The following EMCN variants were observed in gnomAD, a reference collection of about 807,000 sequenced individuals.
EMCN encodes the protein MUC-14.
Under a neutral mutation model 38.4 loss-of-function variants are expected in EMCN, and 37 were observed. The observed-to-expected ratio is 0.96, with a 90% confidence interval of 0.74 to 1.27. The LOEUF is 1.27. EMCN is among the 50% of genes most tolerant of loss of function. EMCN has a pLI of 0.00. For synonymous variants in EMCN, 95 were observed against 100.8 expected, an observed-to-expected ratio of 0.94 and a Z score of 0.35; for missense variants, 318 against 302.8, an observed-to-expected ratio of 1.05 and a Z score of -0.37.
chr4:100,516,099 A>G (rs1429348742), intron 1 of EMCN, among the ~76,000 whole-genome samples: 4 of 152,122 alleles, frequency 2.6e-5, no homozygotes, highest in Admixed American at 2.6e-4. Flanking sequence ...TCTCTGCTCA[A>G]ATGGAAATTA....
At chr4:100,461,379 A>T (rs770056933) in intron 4 of EMCN, among the ~76,000 whole-genome samples, 2 of 152,116 alleles carry the variant, frequency 1.3e-5, no homozygotes, top group Admixed American at 6.6e-5. Context: ...TATTTAACTT[A>T]TTTATCTTTT....
intron 1 of EMCN, among the ~76,000 whole-genome samples, chr4:100,507,793 A>G (rs1172213278): frequency 1.3e-5 from 2 of 151,976 alleles, no homozygotes; most frequent in Non-Finnish European, 2.9e-5. Flanking sequence ...CCCTCTCTCC[A>G]AGTCTTTTTT....
rs1726107486 is a variant in EMCN, at chr4:100,395,917, A to G, written c.*2496T>C. On this transcript the variant is annotated 3_prime_UTR_variant, in exon 12 of 12. Transcript: ENST00000296420. ...TTGACTATTGATAGACTTAAATTAT[A>G]TTCATATTATTATGCAAAACAAACA... 6.6e-6 allele frequency: 1 copy of G among 152,178 alleles called. No individual in the cohort carries two copies. Among genetic ancestry groups the G allele is most frequent in the African/African-American group, 2.4e-5 (1 of 41,436 alleles). 9.4% of individuals were successfully genotyped at this position (152,178 alleles called of 1,614,324 possible).
intron 4 of EMCN, among the ~76,000 whole-genome samples, chr4:100,460,422 G>A (rs1728146753): frequency 6.6e-6 from 1 of 151,988 alleles, no homozygotes; most frequent in Admixed American, 6.6e-5. Flanking sequence ...CCTGAGACTG[G>A]GTAATTTATG....
intron 5 of EMCN, among the ~76,000 whole-genome samples, chr4:100,442,314 A>G (rs1018209524): frequency 9.2e-5 from 14 of 152,182 alleles, no homozygotes; most frequent in Non-Finnish European, 1.9e-4. Flanking sequence ...TGTTGCTTTT[A>G]AATTTCTCTT....
intron 11 of EMCN, among the ~76,000 whole-genome samples, chr4:100,406,194 T>C (rs1033062258): frequency 1.3e-5 from 2 of 152,010 alleles, no homozygotes; most frequent in African/African-American, 4.8e-5. Flanking sequence ...AAACTTTTGG[T>C]TTTGTTGATC....
At chr4:100,416,645 A>C (rs1726743563) in intron 9 of EMCN, among the ~76,000 whole-genome samples, 1 of 152,194 alleles carries the variant, frequency 6.6e-6, no homozygotes, top group Non-Finnish European at 1.5e-5. Flanking sequence ...TTGACATGAA[A>C]ATCAATTCAT....
intron 5 of EMCN, among the ~76,000 whole-genome samples, chr4:100,444,425 C>T (rs989825932): frequency 2.0e-5 from 3 of 152,122 alleles, no homozygotes; most frequent in Non-Finnish European, 4.4e-5. Flanking sequence ...TGGGAGTTTA[C>T]TGCTCTAGTG....
intron 1 of EMCN, among the ~76,000 whole-genome samples, chr4:100,496,457 C>T (rs577607261): frequency 1.3e-5 from 2 of 152,194 alleles, no homozygotes; most frequent in South Asian, 4.1e-4. Flanking sequence ...TTTCTTAGCA[C>T]CTTTATGAGT....
At chr4:100,446,549 C>G (rs1727678915) in intron 5 of EMCN, among the ~76,000 whole-genome samples, 1 of 151,740 alleles carries the variant, frequency 6.6e-6, no homozygotes, top group African/African-American at 2.4e-5. Context: ...TTTTATGAAC[C>G]TATAGGTTTA....
intron 1 of EMCN, among the ~76,000 whole-genome samples, chr4:100,513,187 AT>A (rs1282974245): frequency 6.6e-6 from 1 of 152,144 alleles, no homozygotes; most frequent in African/African-American, 2.4e-5. Context: ...TTAGGTGGGG[AT>A]TATTAAAAAT....
At chr4:100,406,193 G>C (rs534784584) in intron 11 of EMCN, among the ~76,000 whole-genome samples, 1 of 151,982 alleles carries the variant, frequency 6.6e-6, no homozygotes, top group African/African-American at 2.4e-5. Flanking sequence ...CAAACTTTTG[G>C]TTTTGTTGAT....
At chr4:100,408,820 G>T (rs1462881788) in intron 11 of EMCN, among the ~76,000 whole-genome samples, 3 of 152,302 alleles carry the variant, frequency 2.0e-5, no homozygotes, top group East Asian at 1.9e-4. Context: ...CTGGGGAAAG[G>T]TGGTTGCATT....
chr4:100,479,622 T>A (rs1728752615), intron 2 of EMCN, among the ~76,000 whole-genome samples: 1 of 152,108 alleles, frequency 6.6e-6, no homozygotes, highest in African/African-American at 2.4e-5. Context: ...ATTTTATGAC[T>A]TAGGACATGG....
intron 3 of EMCN, among the ~76,000 whole-genome samples, chr4:100,470,077 A>G (rs1224684934): frequency 6.6e-6 from 1 of 152,100 alleles, no homozygotes; most frequent in East Asian, 1.9e-4. Context: ...TCTGCATAGC[A>G]AAAGAAACTA....
intron 4 of EMCN, among the ~76,000 whole-genome samples, chr4:100,461,146 A>G (rs1313471492): frequency 6.6e-6 from 1 of 151,998 alleles, no homozygotes; most frequent in Non-Finnish European, 1.5e-5. Context: ...AACAACTTAA[A>G]TCCACCCACA....
Position 100,475,105 on chromosome 4 carries a change from T to C in EMCN, c.192A>G (p.Thr64=). 3 of 1,476,806 alleles carry C rather than the reference T, an allele frequency of 2.0e-6. No individual in the cohort carries two copies. The highest frequency in any genetic ancestry group is 2.8e-6 in the Non-Finnish European group (3 of 1,085,618). The allele number at this position is 1,476,806 out of a possible 1,614,324, so 91.5% of individuals were successfully genotyped here. Residue 64 remains threonine, a synonymous_variant, in exon 3 of 12, where the codon ACA becomes ACG. Coordinates refer to ENST00000296420, the MANE Select transcript of EMCN (RefSeq NM_016242.4). ...TPTTGTTPKG[T]ITNELLKMSL... ...ACATTTTAAGTAATTCATTGGTGATTGTTCCTAGTTTGATAAAATAGATTA... is the reference window on the plus strand; with the variant it reads ...ACATTTTAAGTAATTCATTGGTGATCGTTCCTAGTTTGATAAAATAGATTA...
chr4:100,512,439 T>C (rs1259515728), intron 1 of EMCN, among the ~76,000 whole-genome samples: 1 of 152,104 alleles, frequency 6.6e-6, no homozygotes, highest in Non-Finnish European at 1.5e-5. Flanking sequence ...TAGCCTAAGC[T>C]AACAGACCTA....
intron 1 of EMCN, among the ~76,000 whole-genome samples, chr4:100,492,868 A>G (rs1430495569): frequency 6.6e-6 from 1 of 152,070 alleles, no homozygotes; most frequent in East Asian, 1.9e-4. Context: ...ATGTTGCCCA[A>G]TTTGAGTCCA....
Sources: allele counts gnomAD v4.1 joint callset (sites outside exome capture counted in the v4.1 genomes callset), GRCh38; gene constraint gnomAD v4.1.1; transcripts MANE v1.5; gene names NCBI Gene and HGNC (gene_info 2026-07-23, HGNC 2026-07-21).